The following DYNC1I1 variants were observed in gnomAD, a reference collection of about 807,000 sequenced individuals.
DYNC1I1 encodes dynein cytoplasmic 1 intermediate chain 1, also known as cytoplasmic dynein 1 intermediate chain 1.
In DYNC1I1, 43 loss-of-function variants were observed where a neutral mutation model predicts 86.6. The ratio of observed to expected loss-of-function variants is 0.50; its 90% CI spans 0.39 to 0.64. The LOEUF (loss-of-function observed/expected upper bound fraction) is 0.64. Among genes scored for constraint, DYNC1I1 ranks in the 30% least tolerant of loss-of-function variants. The probability of loss-of-function intolerance (pLI) is 0.00; values close to 1 mark genes in which losing one functional copy is unlikely to be tolerated. For missense variants in DYNC1I1, 604 were observed against 788.8 expected (o/e 0.77, Z 2.81); for synonymous variants, 262 against 283.7 (o/e 0.92, Z 0.77).
At chr7:95,808,591 C>G (rs2115817922) in intron 2 of DYNC1I1, among the ~76,000 whole-genome samples, 1 of 152,308 alleles carries the variant, frequency 6.6e-6, no homozygotes, top group Admixed American at 6.5e-5. Flanking sequence ...AAGTTTCATT[C>G]TGTCCTTGGC....
At chr7:95,941,731 A>T (rs1304303712) in intron 6 of DYNC1I1, among the ~76,000 whole-genome samples, 1 of 152,162 alleles carries the variant, frequency 6.6e-6, no homozygotes, top group Non-Finnish European at 1.5e-5. Context: ...TAGGAAAGGG[A>T]ACTTCCTGAC....
intron 6 of DYNC1I1, among the ~76,000 whole-genome samples, chr7:95,955,573 G>T (rs1375890268): frequency 6.6e-6 from 1 of 152,088 alleles, no homozygotes; most frequent in African/African-American, 2.4e-5. Flanking sequence ...CAATCCTCCT[G>T]ACCCAGCCTC....
chr7:95,794,280 C>T (rs1562895522), intron 1 of DYNC1I1, among the ~76,000 whole-genome samples: 1 of 152,148 alleles, frequency 6.6e-6, no homozygotes, highest in Non-Finnish European at 1.5e-5. Context: ...TCTAGTTGTC[C>T]AAACTGTTCC....
intron 1 of DYNC1I1, among the ~76,000 whole-genome samples, chr7:95,783,017 C>G (rs1794035469): frequency 6.6e-6 from 1 of 152,126 alleles, no homozygotes; most frequent in Non-Finnish European, 1.5e-5. Flanking sequence ...AGGATGGGGG[C>G]ATGGCAGACC....
At chr7:95,785,538 A>G (rs1318668420) in intron 1 of DYNC1I1, among the ~76,000 whole-genome samples, 1 of 151,804 alleles carries the variant, frequency 6.6e-6, no homozygotes, top group Admixed American at 6.6e-5. Context: ...TCACTCAGTA[A>G]TCTCCTAATG....
At chr7:95,775,303 T>A (rs1475900005) in intron 1 of DYNC1I1, among the ~76,000 whole-genome samples, 2 of 152,180 alleles carry the variant, frequency 1.3e-5, no homozygotes, top group African/African-American at 4.8e-5. Context: ...AATACCAAGC[T>A]CTTCTCTTAT....
intron 9 of DYNC1I1, among the ~76,000 whole-genome samples, chr7:95,993,337 T>A (rs1002698757): frequency 2.0e-5 from 3 of 152,176 alleles, no homozygotes; most frequent in Non-Finnish European, 4.4e-5. Context: ...TAAAGCTAAA[T>A]AATTTTAAAT....
At chr7:96,082,909 G>C (rs567796604) in intron 16 of DYNC1I1, among the ~76,000 whole-genome samples, 156 of 152,160 alleles carry the variant, frequency 1.0e-3, no homozygotes, top group African/African-American at 3.7e-3. Context: ...AGGTCAGGCT[G>C]GTTTTCATTT....
At chr7:96,076,922 G>T (rs1006702771) in intron 15 of DYNC1I1, among the ~76,000 whole-genome samples, 2 of 152,090 alleles carry the variant, frequency 1.3e-5, no homozygotes, top group Non-Finnish European at 2.9e-5. Flanking sequence ...TATGCCACAT[G>T]CATTGTTCCT....
intron 6 of DYNC1I1, among the ~76,000 whole-genome samples, chr7:95,963,649 C>G (rs1340845083): frequency 6.6e-6 from 1 of 152,146 alleles, no homozygotes; most frequent in Non-Finnish European, 1.5e-5. Flanking sequence ...GAAGTGAAAT[C>G]TCTCCTAGCA....
intron 10 of DYNC1I1, among the ~76,000 whole-genome samples, chr7:96,003,199 T>C (rs1335418355): frequency 6.6e-6 from 1 of 152,226 alleles, no homozygotes; most frequent in Admixed American, 6.5e-5. Flanking sequence ...TTGAATATCA[T>C]CCTGTTATTG....
intron 1 of DYNC1I1, among the ~76,000 whole-genome samples, chr7:95,801,216 C>A (rs931567538): frequency 6.6e-6 from 1 of 152,148 alleles, no homozygotes; most frequent in Non-Finnish European, 1.5e-5. Flanking sequence ...TTATTTGGAT[C>A]ATCACTACCT....
At chr7:95,852,509 A>T (rs989585233) in intron 5 of DYNC1I1, among the ~76,000 whole-genome samples, 3 of 150,828 alleles carry the variant, frequency 2.0e-5, no homozygotes, top group African/African-American at 7.3e-5. Context: ...TAATTTATTT[A>T]TTATTATTAT....
intron 14 of DYNC1I1, among the ~76,000 whole-genome samples, chr7:96,052,396 T>C (rs1789429979): frequency 6.6e-6 from 1 of 152,086 alleles, no homozygotes; most frequent in African/African-American, 2.4e-5. Context: ...GAACAGAGTA[T>C]GGAAAAACAC....
chr7:95,820,880 T>C lies in DYNC1I1; in HGVS notation c.315-7177T>C, dbSNP rs759489321. Among the ~76,000 whole-genome samples the C allele has an allele frequency of 2.6e-5, 4 of 152,250 alleles. No individual in the cohort carries two copies. In the East Asian group the frequency reaches 5.8e-4, roughly 22 times the overall value. The stretch of plus-strand genomic sequence containing the variant: ...GGCATGGGCCATCATGGCCGGCCAG[T>C]GGTCAGCATTTTTATTAGATAAGAT... On this transcript the variant is annotated intron_variant, in intron 4 of 16. Transcript: ENST00000447467.
At chr7:95,845,039 A>G (rs1789389177) in intron 5 of DYNC1I1, among the ~76,000 whole-genome samples, 1 of 152,230 alleles carries the variant, frequency 6.6e-6, no homozygotes, top group Non-Finnish European at 1.5e-5. Flanking sequence ...GACCAAGTAC[A>G]GTTTGAAGGT....
intron 14 of DYNC1I1, among the ~76,000 whole-genome samples, chr7:96,065,378 CTTT>C (rs34423655): frequency 6.3e-5 from 8 of 127,568 alleles, no homozygotes; most frequent in Non-Finnish European, 6.4e-5. Flanking sequence ...TTCTTTCTTT[CTTT>C]TTTTTTTTTT....
chr7:95,888,629 C>T (rs1212958649), intron 6 of DYNC1I1, among the ~76,000 whole-genome samples: 4 of 151,908 alleles, frequency 2.6e-5, no homozygotes, highest in Non-Finnish European at 5.9e-5. Flanking sequence ...TGTGATTTTT[C>T]TTAGACAAAA....
chr7:95,959,886 G>A (rs1457113691), intron 6 of DYNC1I1, among the ~76,000 whole-genome samples: 1 of 152,134 alleles, frequency 6.6e-6, no homozygotes, highest in Non-Finnish European at 1.5e-5. Context: ...CCGAGCCCAG[G>A]AAGTCCAACT....
Sources: gnomAD v4.1 joint callset for allele counts (sites outside exome capture counted in the v4.1 genomes callset) on GRCh38, gnomAD v4.1.1 for gene constraint, MANE v1.5 for transcripts, NCBI Gene and HGNC (gene_info 2026-07-23, HGNC 2026-07-21) for gene names.